The following KCNQ1 variants were observed in gnomAD, a reference collection of about 807,000 sequenced individuals.
KCNQ1 encodes potassium voltage-gated channel subfamily KQT member 1.
Under a neutral mutation model 72.4 loss-of-function variants are expected in KCNQ1, and 49 were observed. The ratio of observed to expected loss-of-function variants is 0.68; its 90% confidence interval spans 0.54 to 0.86. The LOEUF (loss-of-function observed/expected upper bound fraction) is 0.86. KCNQ1 is among the 40% of genes least tolerant of loss of function. KCNQ1 has a pLI of 0.00. For missense variants in KCNQ1, 790 were observed against 945.1 expected (o/e 0.84, Z 2.15); for synonymous variants, 450 against 412.6 (o/e 1.09, Z -1.10).
At chr11:2,625,192 C>A in intron 10 of KCNQ1, 1 of 398,636 alleles carries the variant, frequency 2.5e-6, no homozygotes, top group Non-Finnish European at 4.4e-6. Context: ...TGCATTCCCA[C>A]TAACAGTGCA....
In KCNQ1 at chr11:2,481,067, T is replaced by G. The variant is rs117326240; in HGVS notation, c.386+35583T>G. On this transcript the variant is annotated intron_variant, in intron 1 of 15. Coordinates refer to ENST00000155840, the MANE Select transcript of KCNQ1 (RefSeq NM_000218.3). The surrounding 1 kb of genome is among the most constrained non-coding windows in gnomAD (Gnocchi z 4.6). ...AAGTTAGAAGAGAATTACCACATCATGTTGGATTTCACTCATAGCCACGAG... is the reference window on the plus strand; with the variant it reads ...AAGTTAGAAGAGAATTACCACATCAGGTTGGATTTCACTCATAGCCACGAG... 6.6e-4 allele frequency among the ~76,000 whole-genome samples: 100 copies of G among 152,336 alleles called. No individual in the cohort carries two copies. The highest frequency in any genetic ancestry group is 1.2e-3 in the Admixed American group (18 of 15,300).
intron 2 of KCNQ1, among the ~76,000 whole-genome samples, chr11:2,570,183 C>T (rs1354098804): frequency 7.1e-6 from 1 of 140,796 alleles, no homozygotes; most frequent in Non-Finnish European, 1.5e-5. Context: ...TGGTGTGGGG[C>T]CCCCTCTGAC....
At position 2,652,895 on chromosome 11, in the gene KCNQ1, G is replaced by A; in HGVS notation, c.1394-9066G>A. 2.5e-6 allele frequency: 1 copy of A among 398,642 alleles called. No homozygotes were observed. The highest frequency in any genetic ancestry group is 4.4e-6 in the Non-Finnish European group (1 of 226,108). 24.7% of individuals were successfully genotyped at this position (398,642 alleles called of 1,614,324 possible). On this transcript the variant is annotated intron_variant, in intron 10 of 15. Transcript: ENST00000155840. This position sits in a 1 kb window ranked among gnomAD's most constrained non-coding sequence, Gnocchi z 5.9. ...GAGAAGTGTTTGGGGTGTGGGGTGTGGTCCTCAGTATCCTAAACTTAGGTT... is the reference window on the plus strand; with the variant it reads ...GAGAAGTGTTTGGGGTGTGGGGTGTAGTCCTCAGTATCCTAAACTTAGGTT...
chr11:2,621,353 G>A lies in KCNQ1; in HGVS notation c.1393+32499G>A, dbSNP rs1170498787. The A allele has an allele frequency of 2.5e-6, 1 of 398,464 alleles. No individual in the cohort carries two copies. The highest frequency in any genetic ancestry group is 4.4e-6 in the Non-Finnish European group (1 of 226,062). The allele number at this position is 398,464 out of a possible 1,614,324, so 24.7% of individuals were successfully genotyped here. A position where few individuals can be genotyped will look rare whatever the true frequency, so the allele number is the denominator to read the frequency against. ...TGGCTACTTCTGTATTTTCTTTTAAGAAATGTATGTTCCTGTCCTTTGCCA... is the reference window on the plus strand; with the variant it reads ...TGGCTACTTCTGTATTTTCTTTTAAAAAATGTATGTTCCTGTCCTTTGCCA... On this transcript the variant is annotated intron_variant, in intron 10 of 15. Transcript: ENST00000155840. The surrounding 1 kb of genome is among the most constrained non-coding windows in gnomAD (Gnocchi z 5.7).
At chr11:2,733,263 G>C (rs1845883506) in intron 11 of KCNQ1, among the ~76,000 whole-genome samples, 1 of 134,020 alleles carries the variant, frequency 7.5e-6, no homozygotes, top group Non-Finnish European at 1.5e-5. Flanking sequence ...TGTGTGTCCA[G>C]AGGGAAGGGG....
chr11:2,694,034 C>A, intron 11 of KCNQ1: 1 of 398,712 alleles, frequency 2.5e-6, no homozygotes, highest in South Asian at 1.3e-4. Context: ...CACAGGTGCC[C>A]ATGCCATAGA....
Position 2,712,172 on chromosome 11 carries a change from C to A in KCNQ1, c.1514+50091C>A, listed in dbSNP as rs545141525. 2.0e-5 allele frequency among the ~76,000 whole-genome samples: 3 copies of A among 152,228 alleles called. No homozygotes were observed. In the East Asian group the frequency reaches 5.8e-4, roughly 29 times the overall value. On this transcript the variant is annotated intron_variant, in intron 11 of 15. Coordinates refer to ENST00000155840, the MANE Select transcript of KCNQ1 (RefSeq NM_000218.3). The surrounding 1 kb of genome is among the most constrained non-coding windows in gnomAD (Gnocchi z 6.4). ...GTTTTGTGCTTGCATCTCATTTAAGCCATGAACACTTGCCGGCTCTCTATT... is the reference window on the plus strand; with the variant it reads ...GTTTTGTGCTTGCATCTCATTTAAGACATGAACACTTGCCGGCTCTCTATT...
rs1846870399 is a variant in KCNQ1, at chr11:2,493,780, G to A, written c.387-34148G>A. ...GTAGTATAGTTTGAAGTCAGGTAGT[G>A]TGATGCCTCCAGCTTTGTTCTTTTT... On this transcript the variant is annotated intron_variant, in intron 1 of 15. Transcript: ENST00000155840. The surrounding 1 kb of genome is among the most constrained non-coding windows in gnomAD (Gnocchi z 5.3). Among the ~76,000 whole-genome samples, 1 of 152,166 alleles carries A rather than the reference G, an allele frequency of 6.6e-6. No homozygotes were observed. The highest frequency in any genetic ancestry group is 1.5e-5 in the Non-Finnish European group (1 of 68,010).
chr11:2,722,282 G>A (rs2133931186), intron 11 of KCNQ1, among the ~76,000 whole-genome samples: 1 of 152,244 alleles, frequency 6.6e-6, no homozygotes, highest in East Asian at 1.9e-4. Context: ...GTGAAGATAG[G>A]AAAGGACTAT....
chr11:2,597,329 A>G (rs1313986278), intron 10 of KCNQ1, among the ~76,000 whole-genome samples: 1 of 152,228 alleles, frequency 6.6e-6, no homozygotes, highest in East Asian at 1.9e-4. Flanking sequence ...CATTCTAGAA[A>G]TTTATTCTAC....
Position 2,785,570 on chromosome 11 carries a change from T to C in KCNQ1, c.1794+7533T>C, listed in dbSNP as rs1439401896. On this transcript the variant is annotated intron_variant, in intron 15 of 15. Transcript: ENST00000155840. The surrounding 1 kb of genome is among the most constrained non-coding windows in gnomAD (Gnocchi z 4.4). ...CGTAGGATTTCAGGTTTGTCTTTTG[T>C]AAACACTGTATTACTGAGTTTTTAA... Among the ~76,000 whole-genome samples, 3 of 151,922 alleles carry C rather than the reference T, an allele frequency of 2.0e-5. No individual in the cohort carries two copies. The highest frequency in any genetic ancestry group is 4.8e-5 in the African/African-American group (2 of 41,452).
chr11:2,780,321 G>A (rs535141465), intron 15 of KCNQ1, among the ~76,000 whole-genome samples: 5 of 152,322 alleles, frequency 3.3e-5, no homozygotes, highest in East Asian at 1.9e-4. Context: ...AGTTTTCTCC[G>A]TTATCAGTGC....
intron 15 of KCNQ1, among the ~76,000 whole-genome samples, chr11:2,786,116 C>A (rs1846907717): frequency 6.6e-6 from 1 of 152,066 alleles, no homozygotes; most frequent in Admixed American, 6.5e-5. Flanking sequence ...CTGAGGGATT[C>A]ATTTAAATTT....
At chr11:2,835,197 G>T (rs1232386128) in intron 15 of KCNQ1, among the ~76,000 whole-genome samples, 1 of 152,124 alleles carries the variant, frequency 6.6e-6, no homozygotes, top group Non-Finnish European at 1.5e-5. Context: ...TAGCAGTGAG[G>T]TTGGACATCC....
At chr11:2,770,726 G>C (rs1458270578) in intron 12 of KCNQ1, among the ~76,000 whole-genome samples, 1 of 152,376 alleles carries the variant, frequency 6.6e-6, no homozygotes, top group Non-Finnish European at 1.5e-5. Flanking sequence ...GGGGAGATCT[G>C]ACAGCCCCTG....
At chr11:2,485,080 G>A (rs528510310) in intron 1 of KCNQ1, among the ~76,000 whole-genome samples, 19 of 152,244 alleles carry the variant, frequency 1.2e-4, no homozygotes, top group African/African-American at 2.6e-4. Flanking sequence ...GCCTCACTGC[G>A]TCCCATCAGT....
At position 2,847,959 on chromosome 11, in the gene KCNQ1, G is replaced by A. The variant is rs375289892; in HGVS notation, c.1987G>A (p.Glu663Lys). 6 of 1,564,020 alleles carry A rather than the reference G, an allele frequency of 3.8e-6. No individual in the cohort carries two copies. The highest frequency in any genetic ancestry group is 2.7e-5 in the African/African-American group (2 of 73,878). Residue 663 changes from glutamate to lysine, a missense_variant, in exon 16 of 16, where the codon GAG becomes AAG. Transcript: ENST00000155840. ...GCCCAGCAACACCCTGCCCACCTAC[G>A]AGCAGCTGACCGTGCCCAGGAGGGG... ...FLPSNTLPTYEQLTVPRRGPD... is the reference protein window; with the variant it reads ...FLPSNTLPTYKQLTVPRRGPD...
intron 6 of KCNQ1, among the ~76,000 whole-genome samples, chr11:2,578,222 G>T (rs1046653593): frequency 6.6e-5 from 10 of 152,198 alleles, no homozygotes; most frequent in African/African-American, 2.4e-4. Context: ...CCGAGAGGGG[G>T]AAACTGAGGT....
chr11:2,733,857 C>CTCTCT lies in KCNQ1; in HGVS notation c.1515-34987_1515-34986insTCTCT, dbSNP rs147278439. On this transcript the variant is annotated intron_variant, in intron 11 of 15. Transcript: ENST00000155840. ...TCTCTCTCTCTCTCTCTCTCTCTCTCCCCCCCCACTTCAGGGCCTTCGCGC... is the reference window on the plus strand; with the variant it reads ...TCTCTCTCTCTCTCTCTCTCTCTCTCTCTCTCCCCCCCACTTCAGGGCCTTCGCGC... Among the ~76,000 whole-genome samples, 490 of 76,164 alleles carry CTCTCT rather than the reference C, an allele frequency of 6.4e-3. 31 individuals are homozygous for CTCTCT. The highest frequency in any genetic ancestry group is 9.4e-3 in the Middle Eastern group (1 of 106). 50.0% of individuals were successfully genotyped at this position (76,164 alleles called of 152,430 possible).
Sources: allele counts gnomAD v4.1 joint callset (sites outside exome capture counted in the v4.1 genomes callset), GRCh38; gene constraint gnomAD v4.1.1; non-coding constraint Gnocchi (gnomAD v3.1); transcripts MANE v1.5; gene names NCBI Gene and HGNC (gene_info 2026-07-23, HGNC 2026-07-21).